DLG2: variants seen among roughly 807,000 people sequenced by gnomAD.
DLG2 encodes the protein discs large MAGUK scaffold protein 2.
Under a neutral mutation model 132.5 loss-of-function variants are expected in DLG2, and 45 were observed. That is an observed-to-expected ratio of 0.34 (90% CI 0.27 to 0.44). The LOEUF (loss-of-function observed/expected upper bound fraction) is 0.44, where lower values mean the gene tolerates loss of function less well. DLG2 is among the 20% of genes least tolerant of loss of function. DLG2 has a pLI of 1.00. For missense variants in DLG2, 1,045 were observed against 1,196.9 expected (o/e 0.87, Z 1.87); for synonymous variants, 424 against 419.6 (o/e 1.01, Z -0.13).
intron 15 of DLG2, among the ~76,000 whole-genome samples, chr11:83,889,963 G>C (rs2154084611): frequency 8.5e-6 from 1 of 117,938 alleles, no homozygotes. Flanking sequence ...ACTGTTGTGG[G>C]GTGGGGGGAG....
At chr11:85,522,199 A>G (rs2074369150) in intron 3 of DLG2, among the ~76,000 whole-genome samples, 1 of 152,150 alleles carries the variant, frequency 6.6e-6, no homozygotes, top group African/African-American at 2.4e-5. Flanking sequence ...GGGCCACGGT[A>G]TCACTCAGGA....
chr11:84,271,115 T>G (rs2154364101), intron 7 of DLG2, among the ~76,000 whole-genome samples: 1 of 152,250 alleles, frequency 6.6e-6, no homozygotes, highest in South Asian at 2.1e-4. Flanking sequence ...TTATAAAGAG[T>G]TATTCTTAAC....
Position 83,459,090 on chromosome 11 carries a change from C to T in DLG2, c.*728G>A, listed in dbSNP as rs146892778. ...TAACCTATAGAAATTTGTTTCTATA[C>T]ATTTAATATATTTTTATTGTATAAA... On this transcript the variant is annotated 3_prime_UTR_variant, in exon 28 of 28. Transcript: ENST00000376104. The T allele has an allele frequency of 1.5e-4, 23 of 151,066 alleles. No homozygotes were observed. The highest frequency in any genetic ancestry group is 5.5e-4 in the African/African-American group (22 of 39,924). The allele number at this position is 151,066 out of a possible 1,614,324, so 9.4% of individuals were successfully genotyped here. A position where few individuals can be genotyped will look rare whatever the true frequency, so the allele number is the denominator to read the frequency against.
chr11:84,471,783 T>C (rs535169564), intron 7 of DLG2, among the ~76,000 whole-genome samples: 7 of 151,928 alleles, frequency 4.6e-5, no homozygotes, highest in Admixed American at 1.3e-4. Context: ...TACCCCCTAC[T>C]TTCTTGTAAA....
chr11:85,247,111 G>A (rs551740611), intron 4 of DLG2, among the ~76,000 whole-genome samples: 84 of 152,100 alleles, frequency 5.5e-4, no homozygotes, highest in African/African-American at 1.7e-3. Context: ...GGAGTATTAC[G>A]TTGATCATAC....
chr11:84,808,576 A>G (rs2076242096), intron 6 of DLG2, among the ~76,000 whole-genome samples: 1 of 152,020 alleles, frequency 6.6e-6, no homozygotes, highest in African/African-American at 2.4e-5. Context: ...AGCAAGACTG[A>G]TAAAGAAAAG....
intron 4 of DLG2, among the ~76,000 whole-genome samples, chr11:85,191,052 G>T (rs2080491494): frequency 6.6e-6 from 1 of 152,082 alleles, no homozygotes; most frequent in Admixed American, 6.5e-5. Flanking sequence ...CTACCAAAAA[G>T]ACACCTGCAC....
intron 6 of DLG2, among the ~76,000 whole-genome samples, chr11:84,961,526 TTGTG>T (rs71465017): frequency 0.042 from 6,051 of 143,792 alleles, 226 homozygotes; most frequent in African/African-American, 0.11. Flanking sequence ...AATTGTATCT[TTGTG>T]TGTGTGTGTG....
At chr11:85,528,002 A>G (rs1048976512) in intron 3 of DLG2, among the ~76,000 whole-genome samples, 1 of 152,164 alleles carries the variant, frequency 6.6e-6, no homozygotes, top group Non-Finnish European at 1.5e-5. Flanking sequence ...GTGTCTGTTC[A>G]TATCCTTTGC....
chr11:83,736,293 C>T (rs2091883367), intron 18 of DLG2, among the ~76,000 whole-genome samples: 1 of 152,094 alleles, frequency 6.6e-6, no homozygotes, highest in African/African-American at 2.4e-5. Context: ...CTCTGTCTCT[C>T]AGTGTCCTCA....
chr11:84,002,038 A>G (rs1459586855), intron 11 of DLG2, among the ~76,000 whole-genome samples: 4 of 152,180 alleles, frequency 2.6e-5, no homozygotes, highest in Non-Finnish European at 5.9e-5. Context: ...CCATCCCCAA[A>G]TTAACCGAAA....
chr11:85,311,604 T>C (rs978576680), intron 3 of DLG2, among the ~76,000 whole-genome samples: 3 of 152,012 alleles, frequency 2.0e-5, no homozygotes, highest in Non-Finnish European at 4.4e-5. Flanking sequence ...AATTGTCCCA[T>C]CATTGAATAG....
In DLG2 at chr11:83,923,681, T is replaced by C. The variant is rs193039179; in HGVS notation, c.1496+6647A>G. On this transcript the variant is annotated intron_variant, in intron 15 of 27. Transcript: ENST00000376104. ...CCTGAGTCAGTCACCAAGTACCACCTGTTTTATTTAATAAATAGTTCTGAA... is the reference window on the plus strand; with the variant it reads ...CCTGAGTCAGTCACCAAGTACCACCCGTTTTATTTAATAAATAGTTCTGAA... Among the ~76,000 whole-genome samples the C allele has an allele frequency of 2.0e-5, 3 of 152,300 alleles. No individual in the cohort carries two copies. The East Asian group carries it at 5.8e-4, about 29-fold the overall frequency.
intron 14 of DLG2, among the ~76,000 whole-genome samples, chr11:83,950,830 G>T (rs532110200): frequency 2.0e-5 from 3 of 152,182 alleles, no homozygotes; most frequent in African/African-American, 7.2e-5. Flanking sequence ...TGGATTAGAT[G>T]CCTTTTCTGA....
intron 6 of DLG2, among the ~76,000 whole-genome samples, chr11:85,035,472 C>T (rs535559114): frequency 3.3e-5 from 5 of 152,102 alleles, no homozygotes; most frequent in Non-Finnish European, 7.4e-5. Context: ...TCTTACATGG[C>T]GGCAGGCGAG....
intron 11 of DLG2, among the ~76,000 whole-genome samples, chr11:84,040,050 C>T (rs2096016077): frequency 6.6e-6 from 1 of 151,722 alleles, no homozygotes; most frequent in Admixed American, 6.6e-5. Flanking sequence ...GTCCTTCGCC[C>T]ACTTTTTGAT....
At chr11:83,634,654 T>A (rs982532994) in intron 18 of DLG2, among the ~76,000 whole-genome samples, 1 of 152,198 alleles carries the variant, frequency 6.6e-6, no homozygotes, top group Admixed American at 6.5e-5. Flanking sequence ...AAAGATGATC[T>A]ACTTACAGAG....
At chr11:84,545,082 T>G (rs2099386961) in intron 6 of DLG2, 10 of 454,018 alleles carry the variant, frequency 2.2e-5, no homozygotes, top group Non-Finnish European at 4.0e-5. Flanking sequence ...AACCTGTAGC[T>G]TCCCTGTCAC....
chr11:83,506,795 T>C (rs567978672), intron 21 of DLG2, among the ~76,000 whole-genome samples: 4 of 152,128 alleles, frequency 2.6e-5, no homozygotes, highest in Non-Finnish European at 5.9e-5. Context: ...AGTTGCAGGG[T>C]CCCATTCTTT....
Sources: gnomAD v4.1 joint callset for allele counts (sites outside exome capture counted in the v4.1 genomes callset) on GRCh38, gnomAD v4.1.1 for gene constraint, MANE v1.5 for transcripts, NCBI Gene and HGNC (gene_info 2026-07-23, HGNC 2026-07-21) for gene names.